MYH14: variants seen among roughly 807,000 people sequenced by gnomAD.
MYH14 encodes myosin heavy chain 14.
Under a neutral mutation model 255.5 loss-of-function variants are expected in MYH14, and 123 were observed. The observed-to-expected ratio is 0.48, with a 90% confidence interval of 0.42 to 0.56. The LOEUF (loss-of-function observed/expected upper bound fraction) is 0.56. Among genes scored for constraint, MYH14 ranks in the 20% least tolerant of loss-of-function variants. MYH14 has a pLI of 0.00. For synonymous variants in MYH14, 1,095 were observed against 1,161.2 expected, an observed-to-expected ratio of 0.94 and a Z score of 1.16; for missense variants, 2,423 against 2,802.3, an observed-to-expected ratio of 0.86 and a Z score of 3.06.
In MYH14 at chr19:50,276,068, A is replaced by T; in HGVS notation, c.3545A>T (p.Gln1182Leu). 1 of 1,611,708 alleles carries T rather than the reference A, an allele frequency of 6.2e-7. No individual in the cohort carries two copies. Residue 1182 changes from glutamine (Q) to leucine (L), a missense_variant, in exon 28 of 43, where the codon CAG becomes CTG. Gln to Leu is a moderately radical substitution (Grantham distance 113, BLOSUM62 -2). Coordinates refer to ENST00000642316, the MANE Select transcript of MYH14 (RefSeq NM_001145809.2). The surrounding 1 kb of genome is among the most constrained non-coding windows in gnomAD (Gnocchi z 4.3). ...GCTCAAGCAGCCCTGGCCGAGGCCC[A>T]GGAGGACCTGGAGTCTGAGCGTGTG... is the stretch of plus-strand genomic sequence containing the variant. ...REAQAALAEA[Q>L]EDLESERVAR...
intron 40 of MYH14, among the ~76,000 whole-genome samples, chr19:50,303,848 C>G (rs1293025620): frequency 6.6e-6 from 1 of 152,160 alleles, no homozygotes; most frequent in Non-Finnish European, 1.5e-5. Context: ...GAGTTTCCAT[C>G]TCCAGTTGCT....
rs559700259 is a variant in MYH14 at position 50,291,786 on chromosome 19, A to C, written c.5128-475A>C. Among the ~76,000 whole-genome samples the C allele has an allele frequency of 3.9e-5, 6 of 152,226 alleles. No homozygotes were observed. In the East Asian group the frequency reaches 1.2e-3, roughly 30 times the overall value. ...AGGCTGAGGCAGGAGAATTGCTTGA[A>C]TCCGGGAGGCAGTGGTTGCAGTGAG... On this transcript the variant is annotated intron_variant, in intron 36 of 42. Transcript: ENST00000642316.
At chr19:50,277,731 CA>C (rs1227419040) in intron 29 of MYH14, among the ~76,000 whole-genome samples, 1 of 151,924 alleles carries the variant, frequency 6.6e-6, no homozygotes, top group Non-Finnish European at 1.5e-5. Flanking sequence ...GCCTGGCCAA[CA>C]TGGCAAAATC....
chr19:50,293,451 G>T lies in MYH14; in HGVS notation c.5346-113G>T. On this transcript the variant is annotated intron_variant, in intron 38 of 42. Coordinates refer to ENST00000642316, the MANE Select transcript of MYH14 (RefSeq NM_001145809.2). This position sits in a 1 kb window ranked among gnomAD's most constrained non-coding sequence, Gnocchi z 4.1. ...GCGGGGTTAACCTCGGGGCCCCTGG[G>T]GTGTGAGGCTGGGGAGATGCGTGGG... 1 of 1,542,222 alleles carries T rather than the reference G, an allele frequency of 6.5e-7. No homozygotes were observed. Among genetic ancestry groups the T allele is most frequent in the Non-Finnish European group, 8.8e-7 (1 of 1,136,332 alleles).
intron 13 of MYH14, 78 bp from the exon 14 acceptor site, chr19:50,249,572 T>C (rs1297802009): frequency 9.5e-6 from 15 of 1,572,170 alleles, no homozygotes; most frequent in Non-Finnish European, 1.3e-5. Flanking sequence ...CTGTCCCCTG[T>C]CTCTGGGTCT....
At chr19:50,224,242 G>A in intron 6 of MYH14, 65 bp downstream of exon 6, 1 of 1,610,490 alleles carries the variant, frequency 6.2e-7, no homozygotes, top group East Asian at 2.2e-5. Context: ...CCCAATGCAT[G>A]ATCTTCTTGG....
At chr19:50,220,388 TTTA>T (rs1470836066) in intron 3 of MYH14, among the ~76,000 whole-genome samples, 2 of 149,080 alleles carry the variant, frequency 1.3e-5, no homozygotes, top group Non-Finnish European at 3.0e-5. Flanking sequence ...ATACTTCATT[TTTA>T]TTTTATTATA....
At chr19:50,279,260 C>A (rs1036959485) in intron 30 of MYH14, among the ~76,000 whole-genome samples, 1 of 152,128 alleles carries the variant, frequency 6.6e-6, no homozygotes, top group African/African-American at 2.4e-5. Flanking sequence ...TTGTGGCTGC[C>A]TTCTTTTACT....
At chr19:50,210,843 C>A in intron 2 of MYH14, 73 bp downstream of exon 2, 1 of 1,522,934 alleles carries the variant, frequency 6.6e-7, no homozygotes, top group South Asian at 1.3e-5. Context: ...CACCACCCGG[C>A]TCCCCTGCAT....
In MYH14 at chr19:50,284,548, AT is replaced by A. The variant is rs1042183555; in HGVS notation, c.4540-1924del. Among the ~76,000 whole-genome samples, 29 of 146,880 alleles carry A rather than the reference AT, an allele frequency of 2.0e-4. 1 individual carries two copies. The highest frequency in any genetic ancestry group is 3.0e-4 in the Non-Finnish European group (20 of 66,256). On this transcript the variant is annotated intron_variant, in intron 33 of 42. Transcript: ENST00000642316. ...ACACCCGGCTAATTTTTTTATTTTTATTTTTTTTTTATTTTTTATTTTTAGT... is the reference window on the plus strand; with the variant it reads ...ACACCCGGCTAATTTTTTTATTTTTATTTTTTTTTATTTTTTATTTTTAGT...
chr19:50,258,766 A>AC lies in MYH14; in HGVS notation c.2233-376dup, dbSNP rs1555767802. 9.7e-5 allele frequency: 16 copies of AC among 165,432 alleles called. 1 individual carries two copies. The highest frequency in any genetic ancestry group is 1.5e-4 in the Non-Finnish European group (12 of 79,308). The allele number at this position is 165,432 out of a possible 1,614,324, so 10.2% of individuals were successfully genotyped here. Reference sequence around the variant, plus strand: ...AAAACGAACAAACAAACAAACAAAAACCAAAAAAACATGATTTACCAGCTT... The same window carrying AC: ...AAAACGAACAAACAAACAAACAAAAACCCAAAAAAACATGATTTACCAGCTT... On this transcript the variant is annotated intron_variant, in intron 18 of 42. Transcript: ENST00000642316.
Position 50,301,646 on chromosome 19 carries a change from C to A in MYH14, c.5470-15C>A. On this transcript the variant is annotated splice_polypyrimidine_tract_variant and intron_variant, in intron 39 of 42. Transcript: ENST00000642316. ...AGACTCCACCATGACATCCTTCCTT[C>A]CCCTCCTGCTACAGGTAGAGTCACT... 1 of 1,602,802 alleles carries A rather than the reference C, an allele frequency of 6.2e-7. No individual in the cohort carries two copies. The highest frequency in any genetic ancestry group is 8.5e-7 in the Non-Finnish European group (1 of 1,170,674).
intron 10 of MYH14, among the ~76,000 whole-genome samples, chr19:50,239,592 C>T (rs2033808775): frequency 6.6e-6 from 1 of 151,976 alleles, no homozygotes; most frequent in African/African-American, 2.4e-5. Flanking sequence ...CTCTGTCACC[C>T]AGGTTGGAGT....
intron 40 of MYH14, among the ~76,000 whole-genome samples, chr19:50,304,880 AG>A (rs2036605595): frequency 6.6e-6 from 1 of 152,176 alleles, no homozygotes; most frequent in African/African-American, 2.4e-5. Context: ...TGGGATTTCC[AG>A]GGCTTAGAGT....
At chr19:50,302,925 AAAAG>A (rs746855827) in intron 40 of MYH14, among the ~76,000 whole-genome samples, 22 of 152,344 alleles carry the variant, frequency 1.4e-4, no homozygotes, top group African/African-American at 4.3e-4. Context: ...AAGAAAAAGA[AAAAG>A]AAAAAACAAA....
In MYH14 at chr19:50,244,233, C is replaced by T. The variant is rs1304511937; in HGVS notation, c.1115-9C>T. On this transcript the variant is annotated splice_polypyrimidine_tract_variant and intron_variant, in intron 10 of 42. Coordinates refer to ENST00000642316, the MANE Select transcript of MYH14 (RefSeq NM_001145809.2). ...GAGCCACACGTGACCTCTGTCCTTG[C>T]GTCCCCAGCCATGCTGCGGATGGTC... 16 of 1,613,388 alleles carry T rather than the reference C, an allele frequency of 9.9e-6. No individual in the cohort carries two copies. The highest frequency in any genetic ancestry group is 2.7e-5 in the African/African-American group (2 of 74,910).
At chr19:50,295,399 T>C (rs2036234236) in intron 39 of MYH14, among the ~76,000 whole-genome samples, 1 of 152,054 alleles carries the variant, frequency 6.6e-6, no homozygotes. Context: ...CTCAGCACTT[T>C]GGGAGGCCAA....
intron 35 of MYH14, among the ~76,000 whole-genome samples, chr19:50,290,648 A>T (rs1453043624): frequency 6.6e-6 from 1 of 152,002 alleles, no homozygotes; most frequent in Non-Finnish European, 1.5e-5. Context: ...AGCTCTGGAG[A>T]CGTGTTGGAA....
intron 39 of MYH14, among the ~76,000 whole-genome samples, chr19:50,300,467 G>A (rs575522997): frequency 3.3e-5 from 5 of 152,240 alleles, no homozygotes; most frequent in African/African-American, 1.2e-4. Flanking sequence ...AAAAGTTTGA[G>A]GCCGGGCGTG....
Sources: allele counts gnomAD v4.1 joint callset (sites outside exome capture counted in the v4.1 genomes callset), GRCh38; gene constraint gnomAD v4.1.1; non-coding constraint Gnocchi (gnomAD v3.1); transcripts MANE v1.5; gene names NCBI Gene and HGNC (gene_info 2026-07-23, HGNC 2026-07-21).